Variants in KCNH1 observed in about 807,000 individuals in gnomAD.
The protein encoded by KCNH1 is voltage-gated delayed rectifier potassium channel KCNH1.
A neutral mutation model predicts 69.2 loss-of-function variants in KCNH1; 27 were observed. That is an observed-to-expected ratio of 0.39 (90% CI 0.29 to 0.54). The LOEUF is 0.54. Among genes scored for constraint, KCNH1 ranks in the 20% least tolerant of loss-of-function variants. The pLI, the probability that KCNH1 is intolerant of heterozygous loss-of-function variation, is 0.68. For synonymous variants in KCNH1, 456 were observed against 487.7 expected (o/e 0.93, Z 0.86); for missense variants, 798 against 1,261.6 (o/e 0.63, Z 5.57).
chr1:211,065,170 G>A (rs1383509231), intron 5 of KCNH1, among the ~76,000 whole-genome samples: 1 of 151,568 alleles, frequency 6.6e-6, no homozygotes, highest in African/African-American at 2.4e-5. Flanking sequence ...ATATGTCAAA[G>A]AAATATCTAT....
intron 10 of KCNH1, among the ~76,000 whole-genome samples, chr1:210,750,030 G>T (rs963139598): frequency 6.6e-6 from 1 of 152,088 alleles, no homozygotes; most frequent in African/African-American, 2.4e-5. Context: ...GGCGTGAGCC[G>T]CCGCGTCCAG....
chr1:211,056,399 G>A (rs1314995184), intron 5 of KCNH1, among the ~76,000 whole-genome samples: 3 of 152,154 alleles, frequency 2.0e-5, no homozygotes, highest in Admixed American at 2.0e-4. Flanking sequence ...AGATACCTAA[G>A]GTTCATGACT....
At chr1:210,985,563 G>A (rs1466886842) in intron 6 of KCNH1, among the ~76,000 whole-genome samples, 2 of 152,272 alleles carry the variant, frequency 1.3e-5, no homozygotes, top group Middle Eastern at 3.4e-3. Context: ...TCAGGAGTAG[G>A]TTGTTCAGTT....
chr1:210,866,914 A>C (rs922953265), intron 7 of KCNH1, among the ~76,000 whole-genome samples: 9 of 151,932 alleles, frequency 5.9e-5, no homozygotes, highest in Non-Finnish European at 1.0e-4. Flanking sequence ...GCCATACAAT[A>C]AATTATTATT....
At chr1:210,999,693 C>G (rs1689130339) in intron 6 of KCNH1, among the ~76,000 whole-genome samples, 1 of 152,188 alleles carries the variant, frequency 6.6e-6, no homozygotes, top group Non-Finnish European at 1.5e-5. Flanking sequence ...ATACCAAAGC[C>G]TGGCAGAGAC....
rs747498526 is a variant in KCNH1 at position 211,050,260 on chromosome 1, T to TAAAAAAA, written c.559-31011_559-31005dup. ...AGGACAAACTCAGCCCACACATTCT[T>TAAAAAAA]AAAAAAAAAAAAAAAAAAAAAAAAA... is the stretch of plus-strand genomic sequence containing the variant. On this transcript the variant is annotated intron_variant, in intron 5 of 10. Transcript: ENST00000271751. Among the ~76,000 whole-genome samples the TAAAAAAA allele has an allele frequency of 3.0e-3, 173 of 58,560 alleles. 33 individuals carry two copies. Among genetic ancestry groups the TAAAAAAA allele is most frequent in the African/African-American group, 9.7e-3 (138 of 14,154 alleles). 38.4% of individuals were successfully genotyped at this position (58,560 alleles called of 152,430 possible).
rs1681192360 is a variant in KCNH1 at position 210,678,617 on chromosome 1, A to G, written c.*4664T>C. ...GCAGGACTCAATGGAAAGAGTATTA[A>G]TATAAGGAGAAGCCCCAGAATGATG... is the stretch of plus-strand genomic sequence containing the variant. On this transcript the variant is annotated 3_prime_UTR_variant, in exon 11 of 11. Transcript: ENST00000271751. 1 of 152,228 alleles carries G rather than the reference A, an allele frequency of 6.6e-6. No individual in the cohort carries two copies. Among genetic ancestry groups the G allele is most frequent in the Admixed American group, 6.5e-5 (1 of 15,276 alleles). The allele number at this position is 152,228 out of a possible 1,614,324, so 9.4% of individuals were successfully genotyped here. A position where few individuals can be genotyped will look rare whatever the true frequency, so the allele number is the denominator to read the frequency against.
intron 5 of KCNH1, among the ~76,000 whole-genome samples, chr1:211,044,943 G>T (rs938868234): frequency 2.0e-5 from 3 of 150,200 alleles, no homozygotes; most frequent in Non-Finnish European, 1.5e-5. Flanking sequence ...TAAAAAGGAT[G>T]CTTGCACACA....
At chr1:210,867,215 A>G (rs998635329) in intron 7 of KCNH1, among the ~76,000 whole-genome samples, 4 of 151,946 alleles carry the variant, frequency 2.6e-5, no homozygotes, top group South Asian at 4.1e-4. Flanking sequence ...CAACTCAATA[A>G]TATACTTAAA....
chr1:210,905,221 T>C (rs147089569), intron 7 of KCNH1, among the ~76,000 whole-genome samples: 3 of 152,356 alleles, frequency 2.0e-5, no homozygotes, highest in East Asian at 3.9e-4. Context: ...AAATGACTTA[T>C]CACCTTTCTG....
chr1:210,751,610 C>T (rs547017402), intron 10 of KCNH1, among the ~76,000 whole-genome samples: 6 of 152,020 alleles, frequency 3.9e-5, no homozygotes, highest in Admixed American at 6.6e-5. Flanking sequence ...ACTGGGGTAG[C>T]GGCCTGGCTG....
intron 10 of KCNH1, among the ~76,000 whole-genome samples, chr1:210,719,734 TC>T: frequency 6.6e-6 from 1 of 152,212 alleles, no homozygotes; most frequent in South Asian, 2.1e-4. Flanking sequence ...AGATCATTTT[TC>T]TTGCATAACT....
intron 10 of KCNH1, among the ~76,000 whole-genome samples, chr1:210,699,285 C>T (rs1021958623): frequency 6.6e-6 from 1 of 152,208 alleles, no homozygotes; most frequent in African/African-American, 2.4e-5. Context: ...ATGTGGCCCT[C>T]ATGTGTCACT....
chr1:211,057,813 AAC>A (rs537633202), intron 5 of KCNH1, among the ~76,000 whole-genome samples: 274 of 152,338 alleles, frequency 1.8e-3, no homozygotes, highest in African/African-American at 3.2e-3. Flanking sequence ...AAGGGATTAT[AAC>A]ACAGAACTTT....
At chr1:210,806,855 A>ATATATATATATATATATATATAT (rs1553346606) in intron 7 of KCNH1, among the ~76,000 whole-genome samples, 15 of 127,346 alleles carry the variant, frequency 1.2e-4, no homozygotes, top group South Asian at 2.9e-4. Context: ...ATATATATAT[A>ATATATATATATATATATATATAT]AATTTGCCGG....
chr1:210,718,573 T>TTA (rs1327748999), intron 10 of KCNH1, among the ~76,000 whole-genome samples: 1 of 115,544 alleles, frequency 8.7e-6, no homozygotes, highest in Non-Finnish European at 1.7e-5. Flanking sequence ...ATACATATAT[T>TTA]TATATATATA....
intron 9 of KCNH1, among the ~76,000 whole-genome samples, chr1:210,777,403 A>G (rs769958495): frequency 7.9e-5 from 12 of 152,198 alleles, no homozygotes; most frequent in Admixed American, 3.3e-4. Context: ...TGCTTGGGGT[A>G]GCTTCCAGGC....
intron 7 of KCNH1, among the ~76,000 whole-genome samples, chr1:210,813,745 T>G (rs1684757066): frequency 6.6e-6 from 1 of 152,140 alleles, no homozygotes; most frequent in South Asian, 2.1e-4. Context: ...AGTGATATGG[T>G]TTGGCTGTGT....
chr1:210,780,984 T>C (rs1162893140), intron 9 of KCNH1, among the ~76,000 whole-genome samples: 1 of 152,054 alleles, frequency 6.6e-6, no homozygotes, highest in Non-Finnish European at 1.5e-5. Context: ...GAGATGGAGC[T>C]TGCAGTGAGC....
Sources: gnomAD v4.1 joint callset for allele counts (sites outside exome capture counted in the v4.1 genomes callset) on GRCh38, gnomAD v4.1.1 for gene constraint, MANE v1.5 for transcripts, NCBI Gene and HGNC (gene_info 2026-07-23, HGNC 2026-07-21) for gene names.